Variants in ADCY5 observed in about 807,000 individuals in gnomAD.
ADCY5 encodes the protein adenylate cyclase type 5.
ADCY5 carries 30 observed loss-of-function variants against 119.7 expected under a neutral mutation model. The observed-to-expected ratio is 0.25, with a 90% CI of 0.19 to 0.34. The LOEUF (loss-of-function observed/expected upper bound fraction) is 0.34, where lower values mean the gene tolerates loss of function less well. Ranked by LOEUF, ADCY5 falls within the 10% of genes least tolerant of loss-of-function variation. The pLI, the probability that ADCY5 is intolerant of heterozygous loss-of-function variation, is 1.00. For synonymous variants in ADCY5, 753 were observed against 762.2 expected, an observed-to-expected ratio of 0.99 and a Z score of 0.20; for missense variants, 1,324 against 1,775.2, an observed-to-expected ratio of 0.75 and a Z score of 4.57.
intron 3 of ADCY5, among the ~76,000 whole-genome samples, chr3:123,338,175 C>T (rs1942109908): frequency 1.3e-5 from 2 of 152,210 alleles, no homozygotes; most frequent in Non-Finnish European, 2.9e-5. Context: ...CTCTTCCTGG[C>T]CAGCTGCTGA....
chr3:123,296,752 G>A (rs1309309847), intron 16 of ADCY5, among the ~76,000 whole-genome samples: 1 of 152,210 alleles, frequency 6.6e-6, no homozygotes, highest in Non-Finnish European at 1.5e-5. Flanking sequence ...GCTTAGCACA[G>A]CATCTGACCA....
Position 123,304,113 on chromosome 3 carries a change from C to T in ADCY5, c.2513G>A (p.Gly838Glu). 6.2e-7 allele frequency: 1 copy of T among 1,613,678 alleles called. No homozygotes were observed. Residue 838 changes from glycine (G) to glutamate (E), a missense_variant, in exon 13 of 21, where the codon GGG (glycine) becomes GAG (glutamate). Transcript: ENST00000462833. ...VRSKMNSTLVGVFTITLVFLA... is the reference protein window; with the variant it reads ...VRSKMNSTLVEVFTITLVFLA... ...GAACACCAGGGTGATGGTGAACACC[C>T]CAACCAGGGTGCTGTTCATCTTGGA...
At chr3:123,390,433 A>G (rs1016748278) in intron 1 of ADCY5, among the ~76,000 whole-genome samples, 3 of 152,060 alleles carry the variant, frequency 2.0e-5, no homozygotes, top group Non-Finnish European at 4.4e-5. Flanking sequence ...CTCATGGGAG[A>G]CCTGTTTGGC....
intron 1 of ADCY5, among the ~76,000 whole-genome samples, chr3:123,355,747 G>T (rs1450918409): frequency 6.6e-6 from 1 of 151,952 alleles, no homozygotes; most frequent in African/African-American, 2.4e-5. Context: ...TTAATAAATG[G>T]AGAGATATAC....
intron 1 of ADCY5, among the ~76,000 whole-genome samples, chr3:123,380,617 T>C (rs565845156): frequency 6.6e-6 from 1 of 152,214 alleles, no homozygotes; most frequent in South Asian, 2.1e-4. Flanking sequence ...TCCTTCCCCA[T>C]GAGAAATGCA....
At chr3:123,411,912 T>C (rs1945060147) in intron 1 of ADCY5, among the ~76,000 whole-genome samples, 1 of 152,130 alleles carries the variant, frequency 6.6e-6, no homozygotes, top group Admixed American at 6.5e-5. Context: ...CATAGCCCAG[T>C]GTCCATCCCC....
chr3:123,364,778 A>C (rs1220123438), intron 1 of ADCY5, among the ~76,000 whole-genome samples: 1 of 148,782 alleles, frequency 6.7e-6, no homozygotes. Flanking sequence ...ATAGAAAAGG[A>C]AAAAAAAATC....
At chr3:123,319,222 C>T (rs1360604275) in intron 10 of ADCY5, among the ~76,000 whole-genome samples, 5 of 151,644 alleles carry the variant, frequency 3.3e-5, no homozygotes, top group African/African-American at 9.7e-5. Flanking sequence ...GGAGTGGTGG[C>T]GGGCGCCTAT....
At chr3:123,407,755 G>C in intron 1 of ADCY5, among the ~76,000 whole-genome samples, 1 of 87,352 alleles carries the variant, frequency 1.1e-5, no homozygotes, top group Non-Finnish European at 2.4e-5. Flanking sequence ...AACAGAGTGA[G>C]ACCCTGTCTC....
At chr3:123,400,887 T>G (rs961527850) in intron 1 of ADCY5, among the ~76,000 whole-genome samples, 19 of 151,538 alleles carry the variant, frequency 1.3e-4, no homozygotes, top group Admixed American at 1.1e-3. Context: ...GAGGTTGCAC[T>G]GAGCCGAGAT....
At chr3:123,309,091 G>C (rs1940395768) in intron 12 of ADCY5, among the ~76,000 whole-genome samples, 1 of 152,214 alleles carries the variant, frequency 6.6e-6, no homozygotes, top group Non-Finnish European at 1.5e-5. Flanking sequence ...TGGGAACATA[G>C]TTAATAAACC....
At chr3:123,445,200 G>A (rs1945791518) in intron 1 of ADCY5, among the ~76,000 whole-genome samples, 1 of 152,236 alleles carries the variant, frequency 6.6e-6, no homozygotes, top group Non-Finnish European at 1.5e-5. Context: ...AAAGACCACA[G>A]TGGGTAAAAG....
intron 1 of ADCY5, among the ~76,000 whole-genome samples, chr3:123,366,462 C>T (rs1175525358): frequency 1.3e-5 from 2 of 152,206 alleles, no homozygotes; most frequent in South Asian, 4.1e-4. Context: ...CAGCCACTCT[C>T]TGTGGCTTTC....
intron 3 of ADCY5, among the ~76,000 whole-genome samples, chr3:123,336,175 GC>G (rs1942018048): frequency 6.6e-6 from 1 of 152,202 alleles, no homozygotes; most frequent in Admixed American, 6.5e-5. Flanking sequence ...GCGTGTGCAT[GC>G]CTGGGGCAGG....
chr3:123,436,307 A>T (rs1399364278), intron 1 of ADCY5, among the ~76,000 whole-genome samples: 2 of 152,068 alleles, frequency 1.3e-5, no homozygotes, highest in Non-Finnish European at 2.9e-5. Context: ...CCAGAAGCAG[A>T]GGTTGCAGTA....
In ADCY5 at chr3:123,448,818, T is replaced by G; in HGVS notation, c.-273A>C. 1.2e-5 allele frequency: 4 copies of G among 330,162 alleles called. No individual in the cohort carries two copies. The highest frequency in any genetic ancestry group is 1.6e-5 in the Non-Finnish European group (3 of 182,588). 20.5% of individuals were successfully genotyped at this position (330,162 alleles called of 1,614,324 possible). On this transcript the variant is annotated 5_prime_UTR_variant, in exon 1 of 21. Transcript: ENST00000462833. ...CGAGGTGGGGTCGCAGGGACTGGTC[T>G]GGCTGCTGCTGCGCCGCACGCGGAG...
At chr3:123,432,591 C>T (rs1191535472) in intron 1 of ADCY5, among the ~76,000 whole-genome samples, 2 of 152,034 alleles carry the variant, frequency 1.3e-5, no homozygotes, top group Admixed American at 6.6e-5. Flanking sequence ...AGTGCAGTGG[C>T]GCGATCACAG....
At chr3:123,327,528 T>C (rs1346284199) in intron 7 of ADCY5, 90 bp downstream of exon 7, 8 of 1,348,036 alleles carry the variant, frequency 5.9e-6, no homozygotes, top group Non-Finnish European at 8.1e-6. Context: ...ATGACTTCAC[T>C]CAAGGAAAGA....
At chr3:123,366,572 G>A (rs1388687990) in intron 1 of ADCY5, among the ~76,000 whole-genome samples, 2 of 152,200 alleles carry the variant, frequency 1.3e-5, no homozygotes, top group African/African-American at 4.8e-5. Flanking sequence ...GACGACTGAG[G>A]TATCTAGGAC....
Sources: allele counts gnomAD v4.1 joint callset (sites outside exome capture counted in the v4.1 genomes callset), GRCh38; gene constraint gnomAD v4.1.1; transcripts MANE v1.5; gene names NCBI Gene and HGNC (gene_info 2026-07-23, HGNC 2026-07-21).